ALLC: variants seen among roughly 807,000 people sequenced by gnomAD.
The protein encoded by ALLC is allantoicase, also known as probable inactive allantoicase.
A neutral mutation model predicts 45.0 loss-of-function variants in ALLC; 40 were observed. The observed-to-expected ratio is 0.89, with a 90% CI of 0.69 to 1.16. The LOEUF (loss-of-function observed/expected upper bound fraction) is 1.16, where lower values mean the gene tolerates loss of function less well. Among genes scored for constraint, ALLC ranks in the 50% most tolerant of loss-of-function variants. The pLI, the probability that ALLC is intolerant of heterozygous loss-of-function variation, is 0.00. For missense variants in ALLC, 488 were observed against 493.1 expected (o/e 0.99, Z 0.10); for synonymous variants, 176 against 178.1 (o/e 0.99, Z 0.09).
the ALLC span, among the ~76,000 whole-genome samples, chr2:3,648,335 G>C: frequency 1.3e-5 from 2 of 152,206 alleles, no homozygotes; most frequent in African/African-American, 2.4e-5. Flanking sequence ...GCTTTCACAT[G>C]CTCGAGGCTG....
At position 3,692,921 on chromosome 2, in the gene ALLC, C is replaced by T. The variant is rs377558121; in HGVS notation, c.512-2796C>T. 7.8e-4 allele frequency among the ~76,000 whole-genome samples: 118 copies of T among 152,256 alleles called. 1 individual carries two copies. The highest frequency in any genetic ancestry group is 2.8e-3 in the African/African-American group (115 of 41,548). ...TAAAGGAGCCCCCGCCTCTCAACCA[C>T]ACTCACCCAGGGCTTAGCCTCAGTA... On this transcript the variant is annotated intron_variant, in intron 7 of 11. Transcript: ENST00000252505.
In ALLC at chr2:3,689,228, CT is replaced by C. The variant is rs770333412; in HGVS notation, c.511+6157del. ...AGTTGCCATTTATTTATCCTCTGAT[CT>C]TTATTTTTTTCTTCTACTAGTAATT... On this transcript the variant is annotated intron_variant, in intron 7 of 11. Coordinates refer to ENST00000252505, the MANE Select transcript of ALLC (RefSeq NM_018436.4). 4.4e-4 allele frequency among the ~76,000 whole-genome samples: 66 copies of C among 150,746 alleles called. 2 individuals carry two copies. Among genetic ancestry groups the C allele is most frequent in the Non-Finnish European group, 7.6e-4 (51 of 67,460 alleles).
upstream of ALLC, among the ~76,000 whole-genome samples, chr2:3,653,975 G>T (rs1475724065): frequency 6.6e-6 from 1 of 152,190 alleles, no homozygotes; most frequent in African/African-American, 2.4e-5. The surrounding 1 kb of genome is among the most constrained non-coding windows in gnomAD (Gnocchi z 4.1). Flanking sequence ...TGACCCAGGA[G>T]CTTGGGAGCA....
chr2:3,668,538 G>A (rs1040572459), intron 1 of ALLC, among the ~76,000 whole-genome samples: 1 of 146,420 alleles, frequency 6.8e-6, no homozygotes, highest in Non-Finnish European at 1.5e-5. Flanking sequence ...CTGCCTCTGT[G>A]AGTGTGTAAT....
intron 1 of ALLC, among the ~76,000 whole-genome samples, chr2:3,667,191 C>T (rs1021877325): frequency 6.6e-6 from 1 of 152,204 alleles, no homozygotes; most frequent in East Asian, 1.9e-4. Context: ...GGTTCCTGAG[C>T]CCGCAGAGCT....
chr2:3,659,161 G>T (rs1019847483), intron 1 of ALLC, among the ~76,000 whole-genome samples: 2 of 152,150 alleles, frequency 1.3e-5, no homozygotes, highest in African/African-American at 2.4e-5. Flanking sequence ...GCCCCTGAAG[G>T]TTTTCTTCTT....
intron 1 of ALLC, among the ~76,000 whole-genome samples, chr2:3,667,637 T>G (rs1203260774): frequency 6.6e-6 from 1 of 152,222 alleles, no homozygotes; most frequent in Non-Finnish European, 1.5e-5. Flanking sequence ...ATAAACTGTA[T>G]GAACAGCGCA....
intron 1 of ALLC, among the ~76,000 whole-genome samples, chr2:3,659,235 C>G (rs1666511242): frequency 6.6e-6 from 1 of 152,162 alleles, no homozygotes; most frequent in Non-Finnish European, 1.5e-5. Flanking sequence ...GTCTCTCTTT[C>G]TTGTGCTTCC....
At chr2:3,694,373 C>A (rs950136273) in intron 7 of ALLC, among the ~76,000 whole-genome samples, 2 of 152,146 alleles carry the variant, frequency 1.3e-5, no homozygotes, top group Non-Finnish European at 2.9e-5. Context: ...GGAAAGGAAG[C>A]TGGGGAAACC....
chr2:3,689,502 T>A (rs1301007184), intron 7 of ALLC, among the ~76,000 whole-genome samples: 1 of 151,160 alleles, frequency 6.6e-6, no homozygotes, highest in Non-Finnish European at 1.5e-5. Context: ...TTTACATGTG[T>A]TTGTGTATTT....
At chr2:3,698,898 C>T (rs1356494882) in intron 10 of ALLC, among the ~76,000 whole-genome samples, 1 of 152,152 alleles carries the variant, frequency 6.6e-6, no homozygotes, top group Non-Finnish European at 1.5e-5. Context: ...ATTATTGTGA[C>T]TTTACTCAAT....
intron 10 of ALLC, among the ~76,000 whole-genome samples, chr2:3,698,487 G>A (rs958090540): frequency 1.3e-5 from 2 of 152,170 alleles, no homozygotes; most frequent in Non-Finnish European, 1.5e-5. Context: ...TCTTCCCCAG[G>A]CTTCACTTTT....
the ALLC span, among the ~76,000 whole-genome samples, chr2:3,649,051 T>C: frequency 2.0e-5 from 3 of 152,134 alleles, no homozygotes; most frequent in Admixed American, 2.0e-4. Flanking sequence ...TACGTTCTCA[T>C]GCACGCCGTA....
In ALLC at chr2:3,695,716, G is replaced by A; in HGVS notation, c.512-1G>A. 1 of 1,614,018 alleles carries A rather than the reference G, an allele frequency of 6.2e-7. No homozygotes were observed. The highest frequency in any genetic ancestry group is 1.1e-5 in the South Asian group (1 of 91,084). On this transcript the variant is annotated splice_acceptor_variant, in intron 7 of 11. Coordinates refer to ENST00000252505, the MANE Select transcript of ALLC (RefSeq NM_018436.4). LOFTEE classifies it high-confidence loss of function. ...ATAACTAAGGCACCTTTCCTTTTCA[G>A]ATGGTGGAATTGCACGACTTAGAGT...
At chr2:3,654,084 G>T (rs540687678), upstream of ALLC, among the ~76,000 whole-genome samples, 74 of 152,350 alleles carry the variant, frequency 4.9e-4, no homozygotes, top group African/African-American at 1.7e-3. Flanking sequence ...TGGGCCAGAG[G>T]ATCAGCTGCC....
At chr2:3,656,968 G>A (rs1165064574), upstream of ALLC, among the ~76,000 whole-genome samples, 2 of 152,232 alleles carry the variant, frequency 1.3e-5, no homozygotes, top group Admixed American at 1.3e-4. Context: ...ACTGATCCGA[G>A]GCGGCGAGCG....
the ALLC span, among the ~76,000 whole-genome samples, chr2:3,649,917 C>T: frequency 6.6e-6 from 1 of 152,362 alleles, no homozygotes; most frequent in South Asian, 2.1e-4. Context: ...TACAACGAAG[C>T]AAGGTTGGAT....
At chr2:3,696,129 T>C in intron 8 of ALLC, 146 bp from the exon 9 acceptor site, 1 of 863,366 alleles carries the variant, frequency 1.2e-6, no homozygotes, top group Non-Finnish European at 1.7e-6. Flanking sequence ...TGATTGTTTG[T>C]GAATTTACTG....
At chr2:3,676,227 T>C (rs1331625731) in intron 3 of ALLC, among the ~76,000 whole-genome samples, 1 of 152,262 alleles carries the variant, frequency 6.6e-6, no homozygotes, top group Non-Finnish European at 1.5e-5. Context: ...TAAGATATTT[T>C]GTATTCTAAA....
Sources: gnomAD v4.1 joint callset for allele counts (sites outside exome capture counted in the v4.1 genomes callset) on GRCh38, gnomAD v4.1.1 for gene constraint, Gnocchi (gnomAD v3.1) non-coding constraint, MANE v1.5 for transcripts, NCBI Gene and HGNC (gene_info 2026-07-23, HGNC 2026-07-21) for gene names.